Variants in FBXL7 observed in about 807,000 individuals in gnomAD.
FBXL7 encodes the protein F-box and leucine rich repeat protein 7, also known as F-box/LRR-repeat protein 7.
In FBXL7, 12 loss-of-function variants were observed where a neutral mutation model predicts 38.3. The ratio of observed to expected loss-of-function variants is 0.31; its 90% CI spans 0.20 to 0.51. The LOEUF (loss-of-function observed/expected upper bound fraction) is 0.51. Ranked by LOEUF, FBXL7 falls within the 20% of genes least tolerant of loss-of-function variation. The probability of loss-of-function intolerance (pLI) is 0.98; values close to 1 mark genes in which losing one functional copy is unlikely to be tolerated. For synonymous variants in FBXL7, 297 were observed against 300.9 expected, an observed-to-expected ratio of 0.99 and a Z score of 0.13; for missense variants, 567 against 676.4, an observed-to-expected ratio of 0.84 and a Z score of 1.79.
intron 1 of FBXL7, among the ~76,000 whole-genome samples, chr5:15,523,287 G>A (rs1004791908): frequency 1.3e-5 from 2 of 152,178 alleles, no homozygotes; most frequent in African/African-American, 2.4e-5. Flanking sequence ...GGCTGGGTGC[G>A]GTGGCTCACG....
chr5:15,914,976 A>T (rs1267004858), intron 2 of FBXL7, among the ~76,000 whole-genome samples: 1 of 152,254 alleles, frequency 6.6e-6, no homozygotes, highest in East Asian at 1.9e-4. Context: ...TTAATAATTC[A>T]GCCTTGCTGG....
chr5:15,757,672 A>G (rs1214706288), intron 2 of FBXL7, among the ~76,000 whole-genome samples: 1 of 152,168 alleles, frequency 6.6e-6, no homozygotes, highest in Admixed American at 6.6e-5. Flanking sequence ...ATGGCTGTGA[A>G]ATACTGAACT....
intron 2 of FBXL7, among the ~76,000 whole-genome samples, chr5:15,663,901 T>A (rs1742175961): frequency 6.6e-6 from 1 of 152,216 alleles, no homozygotes; most frequent in African/African-American, 2.4e-5. Flanking sequence ...TCAGTTATTA[T>A]ATCTTTGATG....
At chr5:15,501,712 T>C in intron 1 of FBXL7, 3 of 985,458 alleles carry the variant, frequency 3.0e-6, no homozygotes, top group Non-Finnish European at 3.6e-6. Flanking sequence ...CTTTGAGCTG[T>C]GGCCACAGAA....
At chr5:15,509,695 C>G (rs1341310050) in intron 1 of FBXL7, among the ~76,000 whole-genome samples, 1 of 152,070 alleles carries the variant, frequency 6.6e-6, no homozygotes, top group Non-Finnish European at 1.5e-5. Flanking sequence ...TAGAGATTCT[C>G]CCTGGTTATC....
intron 2 of FBXL7, among the ~76,000 whole-genome samples, chr5:15,829,539 C>CT (rs1738399826): frequency 6.6e-6 from 1 of 152,120 alleles, no homozygotes; most frequent in Non-Finnish European, 1.5e-5. Flanking sequence ...ATGAAACAGA[C>CT]TTTTTTTCCA....
chr5:15,626,544 C>CTGTGTGTGTGTGTGTGTGTG (rs71603784), intron 2 of FBXL7, among the ~76,000 whole-genome samples: 1,641 of 148,292 alleles, frequency 0.011, 19 homozygotes, highest in Middle Eastern at 0.031. Flanking sequence ...AATTCGTTTC[C>CTGTGTGTGTGTGTGTGTGTG]TGTGTGTGTG....
chr5:15,682,240 G>C (rs1369170104), intron 2 of FBXL7, among the ~76,000 whole-genome samples: 4 of 152,192 alleles, frequency 2.6e-5, no homozygotes, highest in Non-Finnish European at 5.9e-5. Flanking sequence ...AGATACTGTC[G>C]AGGTTCCTTC....
intron 2 of FBXL7, among the ~76,000 whole-genome samples, chr5:15,629,607 C>T (rs1467738893): frequency 6.6e-6 from 1 of 152,170 alleles, no homozygotes; most frequent in African/African-American, 2.4e-5. Context: ...ACAGCCCAGT[C>T]AACATATCCC....
At chr5:15,756,163 A>G (rs879760024) in intron 2 of FBXL7, among the ~76,000 whole-genome samples, 1 of 152,210 alleles carries the variant, frequency 6.6e-6, no homozygotes, top group Non-Finnish European at 1.5e-5. Flanking sequence ...AAATTTTCCC[A>G]AGACCCTGCT....
At chr5:15,579,276 C>T (rs1374687473) in intron 1 of FBXL7, among the ~76,000 whole-genome samples, 1 of 152,168 alleles carries the variant, frequency 6.6e-6, no homozygotes, top group Non-Finnish European at 1.5e-5. Context: ...TGGCCATAGA[C>T]AGTGTGGGAA....
intron 2 of FBXL7, among the ~76,000 whole-genome samples, chr5:15,623,421 A>G (rs1296212056): frequency 6.6e-6 from 1 of 152,214 alleles, no homozygotes; most frequent in East Asian, 1.9e-4. Context: ...GTATCATTGG[A>G]GGCTTGTGAA....
chr5:15,837,936 A>G (rs528637247), intron 2 of FBXL7, among the ~76,000 whole-genome samples: 11 of 152,202 alleles, frequency 7.2e-5, no homozygotes, highest in Non-Finnish European at 1.2e-4. Context: ...ATACAGAACT[A>G]TAAATGGATA....
chr5:15,788,429 A>G (rs1737187379), intron 2 of FBXL7, among the ~76,000 whole-genome samples: 1 of 152,204 alleles, frequency 6.6e-6, no homozygotes, highest in Non-Finnish European at 1.5e-5. Context: ...AAAAAATAAA[A>G]CATGGGAGAG....
At chr5:15,841,528 G>A (rs990217211) in intron 2 of FBXL7, among the ~76,000 whole-genome samples, 13 of 151,834 alleles carry the variant, frequency 8.6e-5, no homozygotes, top group African/African-American at 2.7e-4. Flanking sequence ...TGCAGTGGTC[G>A]ATTTCTGATG....
chr5:15,874,283 G>A (rs1195598844), intron 2 of FBXL7, among the ~76,000 whole-genome samples: 1 of 152,098 alleles, frequency 6.6e-6, no homozygotes, highest in Non-Finnish European at 1.5e-5. Flanking sequence ...AATAATAAGA[G>A]CTGTATATGG....
chr5:15,556,583 G>T (rs1277429874), intron 1 of FBXL7, among the ~76,000 whole-genome samples: 4 of 152,148 alleles, frequency 2.6e-5, no homozygotes, highest in Non-Finnish European at 5.9e-5. Flanking sequence ...ATCCCAAATA[G>T]CAGAACAGAA....
intron 2 of FBXL7, among the ~76,000 whole-genome samples, chr5:15,873,924 CA>C (rs1354244768): frequency 1.3e-5 from 2 of 152,126 alleles, no homozygotes; most frequent in Non-Finnish European, 2.9e-5. Flanking sequence ...TTTATGAGGC[CA>C]AAATCATCCT....
At chr5:15,836,444 A>G (rs1738595194) in intron 2 of FBXL7, among the ~76,000 whole-genome samples, 2 of 152,202 alleles carry the variant, frequency 1.3e-5, no homozygotes, top group South Asian at 2.1e-4. Context: ...TCAGGGTAGC[A>G]GGGAAACAGT....
Sources: allele counts gnomAD v4.1 joint callset (sites outside exome capture counted in the v4.1 genomes callset), GRCh38; gene constraint gnomAD v4.1.1; transcripts MANE v1.5; gene names NCBI Gene and HGNC (gene_info 2026-07-23, HGNC 2026-07-21).